Variants in RSRC1 observed in about 807,000 individuals in gnomAD.
RSRC1 encodes the protein arginine and serine rich coiled-coil 1, also known as serine/Arginine-related protein 53.
In RSRC1, 39 loss-of-function variants were observed where a neutral mutation model predicts 49.1. That is an observed-to-expected ratio of 0.79 (90% CI 0.61 to 1.04). The LOEUF is 1.04. RSRC1 is among the 50% of genes least tolerant of loss of function. The pLI is 0.00. For missense variants in RSRC1, 388 were observed against 402.4 expected, an observed-to-expected ratio of 0.96 and a Z score of 0.31; for synonymous variants, 143 against 130.8, an observed-to-expected ratio of 1.09 and a Z score of -0.63.
intron 6 of RSRC1, among the ~76,000 whole-genome samples, chr3:158,356,533 GTTTATGTT>G (rs1414357262): frequency 2.0e-5 from 3 of 148,792 alleles, no homozygotes; most frequent in Admixed American, 6.6e-5. Flanking sequence ...ATAATTCATA[GTTTATGTT>G]TTTATCTTAT....
chr3:158,318,580 T>C (rs1350434501), intron 5 of RSRC1, among the ~76,000 whole-genome samples: 4 of 152,102 alleles, frequency 2.6e-5, no homozygotes, highest in African/African-American at 9.7e-5. Context: ...CAGGCCTTAG[T>C]AGTTGGGGGG....
At chr3:158,229,781 C>T (rs1722849541) in intron 4 of RSRC1, among the ~76,000 whole-genome samples, 1 of 90,828 alleles carries the variant, frequency 1.1e-5, no homozygotes, top group African/African-American at 4.5e-5. Context: ...CTTTGTTTCT[C>T]TTGACTACAC....
At chr3:158,386,385 T>C (rs1732967151) in intron 6 of RSRC1, among the ~76,000 whole-genome samples, 1 of 152,038 alleles carries the variant, frequency 6.6e-6, no homozygotes, top group Admixed American at 6.5e-5. Flanking sequence ...TGTAATCTTG[T>C]TTAATACATT....
At chr3:158,284,139 G>T (rs989196026) in intron 4 of RSRC1, among the ~76,000 whole-genome samples, 2 of 150,394 alleles carry the variant, frequency 1.3e-5, no homozygotes, top group Non-Finnish European at 3.0e-5. Flanking sequence ...GAGAATATGT[G>T]GTGTTTGGTT....
At chr3:158,511,391 C>A (rs12487933) in intron 7 of RSRC1, among the ~76,000 whole-genome samples, 1 of 151,878 alleles carries the variant, frequency 6.6e-6, no homozygotes, top group African/African-American at 2.4e-5. Context: ...TTTGTTCTTG[C>A]GATAGTTTAC....
intron 4 of RSRC1, among the ~76,000 whole-genome samples, chr3:158,244,326 A>AT (rs572589569): frequency 9.9e-4 from 151 of 152,308 alleles, no homozygotes; most frequent in African/African-American, 3.4e-3. Context: ...ACTTTTCAAC[A>AT]TGAAGGGATG....
chr3:158,163,848 C>T (rs571678209), intron 3 of RSRC1, among the ~76,000 whole-genome samples: 1 of 151,692 alleles, frequency 6.6e-6, no homozygotes, highest in East Asian at 1.9e-4. Context: ...TTGTCTTACT[C>T]AGCACTGTAT....
intron 4 of RSRC1, among the ~76,000 whole-genome samples, chr3:158,210,020 AAG>A (rs1721574896): frequency 6.6e-6 from 1 of 152,080 alleles, no homozygotes. Context: ...TGATTGGTAG[AAG>A]ATGTTGGGAG....
At chr3:158,511,200 C>G (rs1390400499) in intron 7 of RSRC1, among the ~76,000 whole-genome samples, 2 of 151,976 alleles carry the variant, frequency 1.3e-5, no homozygotes, top group African/African-American at 4.8e-5. Context: ...TGGTGCACTG[C>G]ACCCACTAAC....
chr3:158,124,029 T>A, intron 3 of RSRC1, 38 bp downstream of exon 3: 1 of 1,396,254 alleles, frequency 7.2e-7, no homozygotes, highest in African/African-American at 1.4e-5. Flanking sequence ...TGTAACAAAT[T>A]ATTCCCAAAT....
At position 158,431,581 on chromosome 3, in the gene RSRC1, A is replaced by G. The variant is rs138739101; in HGVS notation, c.584-29354A>G. Reference sequence around the variant, plus strand: ...GGTGGCAATGAAAATTTCAAATAGAATATTTTTTATTTAATTGGTCCTATA... The same window carrying G: ...GGTGGCAATGAAAATTTCAAATAGAGTATTTTTTATTTAATTGGTCCTATA... On this transcript the variant is annotated intron_variant, in intron 6 of 9. Transcript: ENST00000611884. Among the ~76,000 whole-genome samples, 210 of 151,990 alleles carry G rather than the reference A, an allele frequency of 1.4e-3. 1 individual carries two copies. Among genetic ancestry groups the G allele is most frequent in the Non-Finnish European group, 2.3e-3 (153 of 67,896 alleles).
At chr3:158,423,379 A>G (rs1395003974) in intron 6 of RSRC1, among the ~76,000 whole-genome samples, 3 of 152,142 alleles carry the variant, frequency 2.0e-5, no homozygotes, top group African/African-American at 7.2e-5. Context: ...CAAAGATCAG[A>G]TAGTTGTAGA....
chr3:158,350,627 T>G (rs1285565439), intron 5 of RSRC1, among the ~76,000 whole-genome samples: 3 of 152,336 alleles, frequency 2.0e-5, no homozygotes, highest in East Asian at 3.9e-4. Flanking sequence ...ATAGTGTTTT[T>G]TAATGGAATA....
At chr3:158,182,876 G>T (rs1465524791) in intron 3 of RSRC1, among the ~76,000 whole-genome samples, 1 of 152,020 alleles carries the variant, frequency 6.6e-6, no homozygotes, top group African/African-American at 2.4e-5. Flanking sequence ...GGACCTTTAT[G>T]AATATAATTA....
intron 5 of RSRC1, among the ~76,000 whole-genome samples, chr3:158,348,817 A>C (rs1387058513): frequency 6.6e-6 from 1 of 151,934 alleles, no homozygotes; most frequent in Admixed American, 6.6e-5. Context: ...CTTGGCTTTC[A>C]CTTATAACTG....
intron 6 of RSRC1, among the ~76,000 whole-genome samples, chr3:158,379,400 C>T (rs1361732940): frequency 6.6e-6 from 1 of 151,962 alleles, no homozygotes; most frequent in East Asian, 1.9e-4. Flanking sequence ...CGGGGTTTCA[C>T]CATGTTAGCC....
At chr3:158,533,171 G>C (rs949354187) in intron 7 of RSRC1, among the ~76,000 whole-genome samples, 3 of 151,698 alleles carry the variant, frequency 2.0e-5, no homozygotes, top group African/African-American at 7.3e-5. Flanking sequence ...TCATACAATA[G>C]AGCTGAGGTA....
intron 3 of RSRC1, among the ~76,000 whole-genome samples, chr3:158,199,442 G>A (rs112090826): frequency 0.011 from 1,679 of 151,932 alleles, 38 homozygotes; most frequent in African/African-American, 0.039. Flanking sequence ...GATGAGTTTC[G>A]CTGAGACATT....
chr3:158,285,911 C>T (rs1726519955), intron 4 of RSRC1, among the ~76,000 whole-genome samples: 1 of 152,158 alleles, frequency 6.6e-6, no homozygotes, highest in Non-Finnish European at 1.5e-5. Context: ...TTGCCCTGGC[C>T]AGAACTTCCA....
Sources: gnomAD v4.1 joint callset for allele counts (sites outside exome capture counted in the v4.1 genomes callset) on GRCh38, gnomAD v4.1.1 for gene constraint, MANE v1.5 for transcripts, NCBI Gene and HGNC (gene_info 2026-07-23, HGNC 2026-07-21) for gene names.